Variants in SLC4A5 observed in about 807,000 individuals in gnomAD.
The protein encoded by SLC4A5 is electrogenic sodium bicarbonate cotransporter 4.
In SLC4A5, 96 loss-of-function variants were observed where a neutral mutation model predicts 120.4. The ratio of observed to expected loss-of-function variants is 0.80; its 90% CI spans 0.68 to 0.94. The LOEUF (loss-of-function observed/expected upper bound fraction) is 0.94, where lower values mean the gene tolerates loss of function less well. Ranked by LOEUF, SLC4A5 falls within the 40% of genes least tolerant of loss-of-function variation. SLC4A5 has a pLI of 0.00. For missense variants in SLC4A5, 1,259 were observed against 1,459.5 expected, an observed-to-expected ratio of 0.86 and a Z score of 2.24; for synonymous variants, 550 against 571.1, an observed-to-expected ratio of 0.96 and a Z score of 0.53.
At chr2:74,329,524 G>C (rs1288275824) in intron 4 of SLC4A5, among the ~76,000 whole-genome samples, 1 of 152,188 alleles carries the variant, frequency 6.6e-6, no homozygotes, top group East Asian at 1.9e-4. Context: ...AGGAGGCGGA[G>C]GTTGCAGTGA....
chr2:74,285,722 C>T (rs1344465515), intron 8 of SLC4A5, 51 bp downstream of exon 8: 1 of 1,595,092 alleles, frequency 6.3e-7, no homozygotes, highest in Admixed American at 1.7e-5. Context: ...CAGGCAAGCC[C>T]AGGCTGTGTG....
At chr2:74,318,800 T>G (rs2104309149) in intron 5 of SLC4A5, among the ~76,000 whole-genome samples, 1 of 152,134 alleles carries the variant, frequency 6.6e-6, no homozygotes, top group African/African-American at 2.4e-5. Flanking sequence ...TATGGAGGAT[T>G]CTCAAAGAAC....
chr2:74,225,824 G>A (rs1694824071), intron 27 of SLC4A5, among the ~76,000 whole-genome samples: 2 of 152,178 alleles, frequency 1.3e-5, no homozygotes, highest in South Asian at 4.1e-4. Context: ...AAAATCAATA[G>A]GTGGAGGGTG....
intron 24 of SLC4A5, 44 bp downstream of exon 24, chr2:74,232,425 G>A (rs1251991954): frequency 6.3e-7 from 1 of 1,582,556 alleles, no homozygotes; most frequent in East Asian, 2.3e-5. Context: ...TCCCCGAGTG[G>A]GCCCCTCCCC....
chr2:74,219,135 T>G (rs925456608), intron 30 of SLC4A5, among the ~76,000 whole-genome samples: 1 of 151,734 alleles, frequency 6.6e-6, no homozygotes, highest in Non-Finnish European at 1.5e-5. Context: ...TCCTGCCTGC[T>G]TAGTTTGCCC....
At chr2:74,316,844 G>A (rs1194085146) in intron 5 of SLC4A5, among the ~76,000 whole-genome samples, 1 of 152,194 alleles carries the variant, frequency 6.6e-6, no homozygotes, top group Non-Finnish European at 1.5e-5. Context: ...ACTCCCTCCT[G>A]ATAAGAAGAT....
intron 5 of SLC4A5, among the ~76,000 whole-genome samples, chr2:74,316,827 T>C (rs1227743382): frequency 6.6e-6 from 1 of 152,210 alleles, no homozygotes; most frequent in African/African-American, 2.4e-5. Context: ...AAAGACTGAC[T>C]TTAGTAACTC....
At chr2:74,263,449 G>T (rs1671204952) in intron 10 of SLC4A5, among the ~76,000 whole-genome samples, 1 of 152,178 alleles carries the variant, frequency 6.6e-6, no homozygotes, top group Admixed American at 6.5e-5. Flanking sequence ...TAGCAACTTT[G>T]CTCTGGTTAC....
chr2:74,234,657 G>A (rs946084396), intron 22 of SLC4A5, among the ~76,000 whole-genome samples: 1 of 152,234 alleles, frequency 6.6e-6, no homozygotes, highest in Non-Finnish European at 1.5e-5. Flanking sequence ...TTCCACAGGT[G>A]GGGCCGAGAA....
At chr2:74,238,924 C>T (rs1670350372) in intron 21 of SLC4A5, among the ~76,000 whole-genome samples, 1 of 152,134 alleles carries the variant, frequency 6.6e-6, no homozygotes. Context: ...ATCACAAAAA[C>T]ATTTCTACCC....
intron 12 of SLC4A5, among the ~76,000 whole-genome samples, chr2:74,259,174 T>TTA (rs1469142734): frequency 6.6e-6 from 1 of 152,188 alleles, no homozygotes; most frequent in African/African-American, 2.4e-5. Flanking sequence ...ACAGTCTAAT[T>TTA]AACTACCACT....
At chr2:74,223,831 A>C (rs1338038535) in intron 28 of SLC4A5, among the ~76,000 whole-genome samples, 1 of 152,236 alleles carries the variant, frequency 6.6e-6, no homozygotes, top group Non-Finnish European at 1.5e-5. Context: ...ATTAAGGACC[A>C]GGGGAGTTCT....
chr2:74,226,612 C>T (rs538347774), intron 27 of SLC4A5, among the ~76,000 whole-genome samples: 9 of 152,212 alleles, frequency 5.9e-5, no homozygotes, highest in Admixed American at 2.6e-4. Flanking sequence ...TAGTACGCAT[C>T]GACTTCTGAG....
exon 8 of SLC4A5, chr2:74,285,829 T>C (rs1352300806): frequency 6.2e-7 from 1 of 1,612,726 alleles, no homozygotes; most frequent in African/African-American, 1.3e-5. Context: ...TATCCATCTC[T>C]GTAAAGAGGG....
At chr2:74,254,513 C>G in intron 14 of SLC4A5, 106 bp downstream of exon 14, 1 of 838,308 alleles carries the variant, frequency 1.2e-6, no homozygotes, top group Non-Finnish European at 2.0e-6. Context: ...GCCTGGTACA[C>G]AGTAGGTGCT....
At chr2:74,254,322 A>G (rs1240762245) in intron 14 of SLC4A5, among the ~76,000 whole-genome samples, 1 of 152,076 alleles carries the variant, frequency 6.6e-6, no homozygotes, top group Admixed American at 6.6e-5. Flanking sequence ...TGCTGGGTCT[A>G]CCTTCCTCCT....
rs372381110 is a variant in SLC4A5, at chr2:74,341,478, A to G, written c.-270+980T>C. Among the ~76,000 whole-genome samples, 12 of 152,276 alleles carry G rather than the reference A, an allele frequency of 7.9e-5. No individual in the cohort carries two copies. The South Asian group carries it at 1.7e-3, about 21-fold the overall frequency. Reference sequence around the variant, plus strand: ...ACCTTGTATCTGACTTTGGATTTTAAGCTTTCTGAGGGCAAGGACCATGTG... The same window carrying G: ...ACCTTGTATCTGACTTTGGATTTTAGGCTTTCTGAGGGCAAGGACCATGTG... On this transcript the variant is annotated intron_variant, in intron 2 of 30. Transcript: ENST00000394019.
At chr2:74,314,693 T>C (rs1313853507) in intron 6 of SLC4A5, among the ~76,000 whole-genome samples, 2 of 152,224 alleles carry the variant, frequency 1.3e-5, no homozygotes, top group African/African-American at 2.4e-5. Flanking sequence ...TTAGGTGAGT[T>C]ACATTTTGTG....
intron 3 of SLC4A5, among the ~76,000 whole-genome samples, chr2:74,337,932 T>C (rs77612412): frequency 0.025 from 3,755 of 152,148 alleles, 147 homozygotes; most frequent in African/African-American, 0.086. Flanking sequence ...CTAGGTATCG[T>C]GAAACAGAAA....
Sources: allele counts gnomAD v4.1 joint callset (sites outside exome capture counted in the v4.1 genomes callset), GRCh38; gene constraint gnomAD v4.1.1; transcripts MANE v1.5; gene names NCBI Gene and HGNC (gene_info 2026-07-23, HGNC 2026-07-21).